SLC30A9: variants seen among roughly 807,000 people sequenced by gnomAD.
SLC30A9 encodes the protein proton-coupled zinc antiporter SLC30A9, mitochondrial.
Under a neutral mutation model 87.5 loss-of-function variants are expected in SLC30A9, and 58 were observed. The ratio of observed to expected loss-of-function variants is 0.66; its 90% CI spans 0.54 to 0.82. SLC30A9 has a LOEUF of 0.82. SLC30A9 is among the 40% of genes least tolerant of loss of function. SLC30A9 has a pLI of 0.00. For synonymous variants in SLC30A9, 234 were observed against 233.0 expected (o/e 1.00, Z -0.04); for missense variants, 557 against 679.1 (o/e 0.82, Z 2.00).
At chr4:42,029,912 C>A in intron 6 of SLC30A9, 2 of 721,730 alleles carry the variant, frequency 2.8e-6, no homozygotes, top group Admixed American at 1.8e-5. Context: ...TTGGACTGGG[C>A]ACCTACCTTG....
intron 15 of SLC30A9, among the ~76,000 whole-genome samples, chr4:42,072,767 G>A (rs1340831686): frequency 6.7e-6 from 1 of 149,912 alleles, no homozygotes; most frequent in Non-Finnish European, 1.5e-5. Context: ...TTGGTTTATA[G>A]TGACTTCAAT....
intron 15 of SLC30A9, 51 bp from the exon 16 acceptor site, chr4:42,075,606 A>T: frequency 6.7e-7 from 1 of 1,489,068 alleles, no homozygotes; most frequent in Non-Finnish European, 9.3e-7. Context: ...TAAAGTATAT[A>T]TATGTGTATG....
intron 15 of SLC30A9, among the ~76,000 whole-genome samples, chr4:42,073,700 C>T (rs1718407679): frequency 6.6e-6 from 1 of 152,158 alleles, no homozygotes; most frequent in African/African-American, 2.4e-5. Context: ...CCAAATGGGC[C>T]TCTTCAACAT....
In SLC30A9 at chr4:42,015,168, A is replaced by G. The variant is rs79555140; in HGVS notation, c.275-2943A>G. ...TGTTTCAAAATACCTCATGTACCCC[A>G]TAAATGTTTAATGTGTACCCATAAA... On this transcript the variant is annotated intron_variant, in intron 2 of 17. Coordinates refer to ENST00000264451, the MANE Select transcript of SLC30A9 (RefSeq NM_006345.4). Among the ~76,000 whole-genome samples, 1,460 of 152,286 alleles carry G rather than the reference A, an allele frequency of 9.6e-3. 25 individuals carry two copies. Among genetic ancestry groups the G allele is most frequent in the African/African-American group, 0.034 (1,403 of 41,550 alleles).
intron 14 of SLC30A9, among the ~76,000 whole-genome samples, chr4:42,069,030 G>A (rs939744473): frequency 6.6e-6 from 1 of 152,150 alleles, no homozygotes; most frequent in African/African-American, 2.4e-5. Context: ...CATTCTGAGT[G>A]TGCATTTTAA....
chr4:42,035,360 GTGTT>G, intron 7 of SLC30A9, 27 bp downstream of exon 7: 1 of 1,596,816 alleles, frequency 6.3e-7, no homozygotes, highest in Non-Finnish European at 8.5e-7. Context: ...AATAATGTGT[GTGTT>G]TGTGTTGCAC....
At chr4:42,014,034 G>GA (rs1201477113) in intron 2 of SLC30A9, among the ~76,000 whole-genome samples, 147 of 152,194 alleles carry the variant, frequency 9.7e-4, no homozygotes, top group Middle Eastern at 3.4e-3. Flanking sequence ...CTCTATGGGG[G>GA]AAAAATCTAA....
chr4:41,990,820 C>T, intron 1 of SLC30A9, 60 bp downstream of exon 1: 1 of 1,236,002 alleles, frequency 8.1e-7, no homozygotes, highest in East Asian at 2.5e-5. Flanking sequence ...CCAGGCTGGG[C>T]TCGGCGCCTC....
In SLC30A9 at chr4:41,997,446, T is replaced by A. The variant is rs562982862; in HGVS notation, c.110-4170T>A. Among the ~76,000 whole-genome samples, 20 of 152,190 alleles carry A rather than the reference T, an allele frequency of 1.3e-4. No homozygotes were observed. In the East Asian group the frequency reaches 3.3e-3, roughly 25 times the overall value. On this transcript the variant is annotated intron_variant, in intron 1 of 17. Coordinates refer to ENST00000264451, the MANE Select transcript of SLC30A9 (RefSeq NM_006345.4). ...TGGACACATTCTTAGGTTTTTTTTT[T>A]ATTATTATGGGCATTTTTTTTAATA...
At chr4:42,075,057 ATATTTTTTTTTTTTTT>A (rs1718492267) in intron 15 of SLC30A9, among the ~76,000 whole-genome samples, 1 of 21,522 alleles carries the variant, frequency 4.6e-5, no homozygotes. Context: ...ATATATATAT[ATATTTTTTTTTTTTTT>A]TTTTTTTTTT....
chr4:42,029,947 A>G (rs1213249093), intron 6 of SLC30A9: 4 of 838,742 alleles, frequency 4.8e-6, no homozygotes, highest in Non-Finnish European at 8.0e-6. Context: ...AATTATCCCT[A>G]CTATGGCAAA....
chr4:42,073,959 A>AG (rs751117978), intron 15 of SLC30A9, among the ~76,000 whole-genome samples: 9 of 152,230 alleles, frequency 5.9e-5, no homozygotes, highest in Non-Finnish European at 1.3e-4. Context: ...TAAGAACATA[A>AG]GGAAAAAGTA....
intron 2 of SLC30A9, among the ~76,000 whole-genome samples, chr4:42,016,689 A>C (rs1158706813): frequency 1.3e-5 from 2 of 152,214 alleles, no homozygotes; most frequent in African/African-American, 4.8e-5. Flanking sequence ...GAGTTGATAC[A>C]TGCTTAGAGT....
chr4:42,066,404 A>T (rs1399748915), intron 12 of SLC30A9, 146 bp from the exon 13 acceptor site: 1 of 472,658 alleles, frequency 2.1e-6, no homozygotes, highest in African/African-American at 2.0e-5. Context: ...TGATTAATTG[A>T]TAACAACTAA....
At chr4:42,009,754 T>G (rs1296358315) in intron 2 of SLC30A9, among the ~76,000 whole-genome samples, 1 of 152,236 alleles carries the variant, frequency 6.6e-6, no homozygotes, top group African/African-American at 2.4e-5. Flanking sequence ...TCCAGAAATA[T>G]ACAGCTTAAA....
chr4:42,011,109 A>G (rs926617251), intron 2 of SLC30A9, among the ~76,000 whole-genome samples: 6 of 152,166 alleles, frequency 3.9e-5, no homozygotes, highest in Non-Finnish European at 5.9e-5. Flanking sequence ...GCTATGAGGA[A>G]ATACCTGAGC....
chr4:42,029,985 C>T, intron 6 of SLC30A9: 1 of 921,886 alleles, frequency 1.1e-6, no homozygotes, highest in Non-Finnish European at 1.7e-6. Context: ...CCTGCAGCCT[C>T]TGCTTGTTGT....
intron 8 of SLC30A9, among the ~76,000 whole-genome samples, chr4:42,049,147 G>A (rs1717285136): frequency 6.6e-6 from 1 of 152,016 alleles, no homozygotes; most frequent in African/African-American, 2.4e-5. Context: ...AAAATTTTTT[G>A]TAGAGATGGG....
intron 6 of SLC30A9, chr4:42,029,545 A>G: frequency 1.5e-6 from 1 of 684,272 alleles, no homozygotes; most frequent in Non-Finnish European, 2.7e-6. Flanking sequence ...GTTCCTGGAA[A>G]AGTACAAAGA....
Sources: allele counts gnomAD v4.1 joint callset (sites outside exome capture counted in the v4.1 genomes callset), GRCh38; gene constraint gnomAD v4.1.1; transcripts MANE v1.5; gene names NCBI Gene and HGNC (gene_info 2026-07-23, HGNC 2026-07-21).